The following PLPP1 variants were observed in gnomAD, a reference collection of about 807,000 sequenced individuals.
PLPP1 encodes the protein phospholipid phosphatase 1.
PLPP1 carries 24 observed loss-of-function variants against 31.2 expected under a neutral mutation model. The ratio of observed to expected loss-of-function variants is 0.77; its 90% confidence interval spans 0.56 to 1.08. The LOEUF (loss-of-function observed/expected upper bound fraction) is 1.08. PLPP1 is among the 50% of genes least tolerant of loss of function. The pLI, the probability that PLPP1 is intolerant of heterozygous loss-of-function variation, is 0.00. For synonymous variants in PLPP1, 146 were observed against 126.3 expected (o/e 1.16, Z -1.05); for missense variants, 319 against 342.7 (o/e 0.93, Z 0.55).
chr5:55,461,003 G>A (rs1049423211), intron 3 of PLPP1, among the ~76,000 whole-genome samples: 4 of 152,152 alleles, frequency 2.6e-5, no homozygotes, highest in African/African-American at 9.7e-5. Flanking sequence ...TGTGCAACAG[G>A]TGAAACCCTG....
chr5:55,464,740 C>A (rs1752249482), intron 3 of PLPP1, among the ~76,000 whole-genome samples: 1 of 152,098 alleles, frequency 6.6e-6, no homozygotes, highest in South Asian at 2.1e-4. Flanking sequence ...TGTAGGATTC[C>A]TTTTATATAA....
chr5:55,504,042 G>A (rs905899808), intron 1 of PLPP1, among the ~76,000 whole-genome samples: 1 of 151,948 alleles, frequency 6.6e-6, no homozygotes, highest in African/African-American at 2.4e-5. Context: ...TGAGAGGTGG[G>A]TGGATTGCCT....
At chr5:55,479,776 T>G (rs1379052436) in intron 1 of PLPP1, among the ~76,000 whole-genome samples, 1 of 152,176 alleles carries the variant, frequency 6.6e-6, no homozygotes, top group Non-Finnish European at 1.5e-5. Context: ...TTCTACTCCT[T>G]GAAACCAAGA....
intron 1 of PLPP1, among the ~76,000 whole-genome samples, chr5:55,488,313 A>G (rs1371835234): frequency 6.6e-6 from 1 of 152,058 alleles, no homozygotes; most frequent in Admixed American, 6.6e-5. Flanking sequence ...AAAACAAAGC[A>G]CAAAACTAAA....
intron 1 of PLPP1, among the ~76,000 whole-genome samples, chr5:55,485,408 G>A (rs1752755374): frequency 6.6e-6 from 1 of 152,136 alleles, no homozygotes; most frequent in Non-Finnish European, 1.5e-5. Context: ...GTAGACTGCT[G>A]AGCCACAGGA....
At chr5:55,501,857 T>C (rs968883236) in intron 1 of PLPP1, among the ~76,000 whole-genome samples, 1 of 152,126 alleles carries the variant, frequency 6.6e-6, no homozygotes, top group African/African-American at 2.4e-5. Context: ...CTTCCAGACA[T>C]GCTTACAGAG....
chr5:55,449,653 A>C (rs1490090338), intron 3 of PLPP1, among the ~76,000 whole-genome samples: 1 of 152,204 alleles, frequency 6.6e-6, no homozygotes, highest in Non-Finnish European at 1.5e-5. Flanking sequence ...GTTTCCAATA[A>C]AAATATACAA....
At chr5:55,455,018 G>A (rs1377676907) in intron 3 of PLPP1, among the ~76,000 whole-genome samples, 3 of 152,098 alleles carry the variant, frequency 2.0e-5, no homozygotes, top group Admixed American at 6.5e-5. Context: ...TATTTTATCT[G>A]CATGTGGGTT....
chr5:55,454,741 A>C (rs1382414967), intron 3 of PLPP1, among the ~76,000 whole-genome samples: 1 of 152,154 alleles, frequency 6.6e-6, no homozygotes, highest in African/African-American at 2.4e-5. Context: ...TCTTCATTTC[A>C]TATGTTGCTA....
At chr5:55,495,187 AG>A (rs1309980715) in intron 1 of PLPP1, among the ~76,000 whole-genome samples, 3 of 152,072 alleles carry the variant, frequency 2.0e-5, no homozygotes, top group Non-Finnish European at 4.4e-5. Flanking sequence ...TTCAGGGTAA[AG>A]ATCAGAAGTA....
At chr5:55,457,160 A>C (rs1752034680) in intron 3 of PLPP1, among the ~76,000 whole-genome samples, 1 of 150,932 alleles carries the variant, frequency 6.6e-6, no homozygotes, top group Non-Finnish European at 1.5e-5. Flanking sequence ...ACTCCGTCTC[A>C]GACCAAAAAA....
chr5:55,435,749 TC>T lies in PLPP1; in HGVS notation c.549+6101del, dbSNP rs1751476949. ...TTCGCCTGACCTTCACACTCCTCCC[TC>T]CCCCATTTTCATCTATTAAAATGGG... On this transcript the variant is annotated intron_variant, in intron 4 of 5. Transcript: ENST00000307259. Among the ~76,000 whole-genome samples, 3 of 152,082 alleles carry T rather than the reference TC, an allele frequency of 2.0e-5. No homozygotes were observed. In the South Asian group the frequency reaches 6.2e-4, roughly 32 times the overall value.
intron 3 of PLPP1, among the ~76,000 whole-genome samples, chr5:55,459,496 T>A (rs920862141): frequency 6.6e-6 from 1 of 152,172 alleles, no homozygotes. Context: ...GCTCTTCAAG[T>A]GCACATGGAA....
intron 1 of PLPP1, among the ~76,000 whole-genome samples, chr5:55,531,710 A>C (rs1025839568): frequency 2.6e-5 from 4 of 152,234 alleles, no homozygotes; most frequent in African/African-American, 9.6e-5. Flanking sequence ...ATACAAATCA[A>C]ATTTAATATA....
intron 3 of PLPP1, among the ~76,000 whole-genome samples, chr5:55,451,870 G>T (rs1579932639): frequency 6.6e-6 from 1 of 152,264 alleles, no homozygotes; most frequent in African/African-American, 2.4e-5. Context: ...GACAAAGGCA[G>T]AAAAGTCACA....
At chr5:55,447,113 G>A (rs3804264) in intron 3 of PLPP1, among the ~76,000 whole-genome samples, 80,754 of 152,024 alleles carry the variant, frequency 0.53, 22,126 homozygotes, top group Non-Finnish European at 0.61. Flanking sequence ...TGTGTGTAAC[G>A]TATCATGTAG....
At chr5:55,491,566 A>T (rs1433570538) in intron 1 of PLPP1, among the ~76,000 whole-genome samples, 2 of 152,148 alleles carry the variant, frequency 1.3e-5, no homozygotes, top group African/African-American at 4.8e-5. Context: ...CATCCAGGAG[A>T]AGAAACATGT....
intron 1 of PLPP1, among the ~76,000 whole-genome samples, chr5:55,533,284 AAG>A (rs1645943753): frequency 6.6e-6 from 1 of 151,344 alleles, no homozygotes; most frequent in Admixed American, 6.6e-5. Context: ...TAGAGAGGCC[AAG>A]ACAGGATAAT....
At chr5:55,457,451 T>A (rs979562990) in intron 3 of PLPP1, among the ~76,000 whole-genome samples, 1 of 152,226 alleles carries the variant, frequency 6.6e-6, no homozygotes, top group Non-Finnish European at 1.5e-5. Flanking sequence ...ACAAAATAAT[T>A]ATTTTTATAC....
Sources: gnomAD v4.1 joint callset for allele counts (sites outside exome capture counted in the v4.1 genomes callset) on GRCh38, gnomAD v4.1.1 for gene constraint, MANE v1.5 for transcripts, NCBI Gene and HGNC (gene_info 2026-07-23, HGNC 2026-07-21) for gene names.